The following SPSB1 variants were observed in gnomAD, a reference collection of about 807,000 sequenced individuals.
SPSB1 encodes splA/ryanodine receptor domain and SOCS box containing 1.
A neutral mutation model predicts 21.2 loss-of-function variants in SPSB1; 8 were observed. The ratio of observed to expected loss-of-function variants is 0.38; its 90% CI spans 0.22 to 0.68. The LOEUF is 0.68. Ranked by LOEUF, SPSB1 falls within the 30% of genes least tolerant of loss-of-function variation. The pLI, the probability that SPSB1 is intolerant of heterozygous loss-of-function variation, is 0.53. For missense variants in SPSB1, 242 were observed against 377.8 expected (o/e 0.64, Z 2.98); for synonymous variants, 169 against 161.7 (o/e 1.05, Z -0.34).
At chr1:9,330,390 G>A (rs1406095452) in intron 1 of SPSB1, among the ~76,000 whole-genome samples, 4 of 152,060 alleles carry the variant, frequency 2.6e-5, no homozygotes, top group Non-Finnish European at 4.4e-5. Flanking sequence ...GCTTGAACCC[G>A]GGAGGCGGAG....
chr1:9,320,026 G>C (rs776189207), intron 1 of SPSB1, among the ~76,000 whole-genome samples: 1 of 152,092 alleles, frequency 6.6e-6, no homozygotes, highest in Non-Finnish European at 1.5e-5. Flanking sequence ...TCTGTGCTTC[G>C]AGCCCCCTGG....
Position 9,355,998 on chromosome 1 carries a change from G to A in SPSB1, c.107G>A (p.Arg36Gln), listed in dbSNP as rs767891834. The change falls in exon 2 of 3, where the codon CGG becomes CAG. Residue 36 changes from arginine (R) to glutamine (Q), a missense_variant. Coordinates refer to ENST00000328089, the MANE Select transcript of SPSB1 (RefSeq NM_025106.4). ...GGTCTGGATTACTGCAAGCCCACCCGGCTGGATCTGCTACTGGACATGCCC... is the reference window on the plus strand; with the variant it reads ...GGTCTGGATTACTGCAAGCCCACCCAGCTGGATCTGCTACTGGACATGCCC... ...LQGLDYCKPT[R>Q]LDLLLDMPPV... The A allele has an allele frequency of 9.3e-6, 15 of 1,613,988 alleles. No homozygotes were observed. Among genetic ancestry groups the A allele is most frequent in the African/African-American group, 2.7e-5 (2 of 74,916 alleles).
chr1:9,341,558 C>G, intron 1 of SPSB1, among the ~76,000 whole-genome samples: 1 of 152,224 alleles, frequency 6.6e-6, no homozygotes. Context: ...CATTGCCAGA[C>G]CATCTCTCTG....
Position 9,321,386 on chromosome 1 carries a change from C to T in SPSB1, c.-150+28315C>T, listed in dbSNP as rs1639719613. ...GGGGTGGGCTCCGAGCTCCAGGGCC[C>T]ATTCTTGGGAGAGAGCGGATCCTGT... On this transcript the variant is annotated intron_variant, in intron 1 of 2. Transcript: ENST00000328089. The surrounding 1 kb of genome is among the most constrained non-coding windows in gnomAD (Gnocchi z 4.8). Among the ~76,000 whole-genome samples the T allele has an allele frequency of 1.3e-5, 2 of 152,160 alleles. No individual in the cohort carries two copies. The highest frequency in any genetic ancestry group is 2.4e-5 in the African/African-American group (1 of 41,424).
At chr1:9,311,999 C>A (rs1303976961) in intron 1 of SPSB1, among the ~76,000 whole-genome samples, 3 of 151,908 alleles carry the variant, frequency 2.0e-5, no homozygotes, top group African/African-American at 7.3e-5. Flanking sequence ...CTTGGTGTAA[C>A]CGTTGGCCCT....
At chr1:9,364,179 G>A (rs1314995286) in intron 2 of SPSB1, among the ~76,000 whole-genome samples, 6 of 152,226 alleles carry the variant, frequency 3.9e-5, no homozygotes, top group Admixed American at 3.9e-4. Flanking sequence ...TTCCGGCGGG[G>A]GCTGAGCCAC....
chr1:9,316,232 C>T (rs1461731118), intron 1 of SPSB1, among the ~76,000 whole-genome samples: 1 of 152,102 alleles, frequency 6.6e-6, no homozygotes, highest in East Asian at 1.9e-4. Flanking sequence ...GGCTCCGGCA[C>T]CCCCAGGAGA....
rs1206174485 is a variant in SPSB1 at position 9,305,929 on chromosome 1, T to C, written c.-150+12858T>C. On this transcript the variant is annotated intron_variant, in intron 1 of 2. Coordinates refer to ENST00000328089, the MANE Select transcript of SPSB1 (RefSeq NM_025106.4). The surrounding 1 kb of genome is among the most constrained non-coding windows in gnomAD (Gnocchi z 4.8). ...GAAAGGCGGGAAGGGTGCCCATGTG[T>C]GGCCAAAATGAGTGCAGAGAGGCAG... Among the ~76,000 whole-genome samples, 1 of 152,062 alleles carries C rather than the reference T, an allele frequency of 6.6e-6. No homozygotes were observed. Among genetic ancestry groups the C allele is most frequent in the African/African-American group, 2.4e-5 (1 of 41,384 alleles).
intron 2 of SPSB1, among the ~76,000 whole-genome samples, chr1:9,359,854 G>GA (rs1640440513): frequency 3.3e-5 from 5 of 149,534 alleles, no homozygotes; most frequent in Non-Finnish European, 7.4e-5. Context: ...AGCCGGGGGG[G>GA]TGGGTGGCGG....
At chr1:9,295,467 G>A (rs898031977) in intron 1 of SPSB1, among the ~76,000 whole-genome samples, 1 of 152,216 alleles carries the variant, frequency 6.6e-6, no homozygotes, top group Admixed American at 6.5e-5. Flanking sequence ...TTAGGAAGGG[G>A]TGGGCCTGCC....
intron 1 of SPSB1, among the ~76,000 whole-genome samples, chr1:9,308,456 T>C (rs1639458599): frequency 6.6e-6 from 1 of 152,192 alleles, no homozygotes; most frequent in Non-Finnish European, 1.5e-5. Flanking sequence ...AAACCTAAGC[T>C]GTCATCAACT....
At chr1:9,313,515 A>G (rs930078359) in intron 1 of SPSB1, among the ~76,000 whole-genome samples, 22 of 152,136 alleles carry the variant, frequency 1.4e-4, no homozygotes, top group African/African-American at 4.3e-4. Context: ...TGCTGCCCAC[A>G]TGACCTCTGA....
intron 1 of SPSB1, among the ~76,000 whole-genome samples, chr1:9,331,104 C>A (rs988564391): frequency 1.3e-5 from 2 of 152,106 alleles, no homozygotes; most frequent in African/African-American, 4.8e-5. Flanking sequence ...GTGCTCTCCC[C>A]GCTGAATGCT....
rs569095339 is a variant in SPSB1, at chr1:9,305,164, A to G, written c.-150+12093A>G. On this transcript the variant is annotated intron_variant, in intron 1 of 2. Transcript: ENST00000328089. The surrounding 1 kb of genome is among the most constrained non-coding windows in gnomAD (Gnocchi z 4.8). ...TATAGCCTCAGCCACTGTCACCTAT[A>G]TTCTGCTGACCCCGTCTCACACTCT... Among the ~76,000 whole-genome samples the G allele has an allele frequency of 2.5e-3, 385 of 152,040 alleles. 2 individuals carry two copies. Among genetic ancestry groups the G allele is most frequent in the African/African-American group, 8.6e-3 (358 of 41,476 alleles).
chr1:9,331,721 C>T (rs915348876), intron 1 of SPSB1, among the ~76,000 whole-genome samples: 1 of 152,150 alleles, frequency 6.6e-6, no homozygotes, highest in Non-Finnish European at 1.5e-5. Flanking sequence ...TCAGATCCCA[C>T]CAGCCACGTT....
In SPSB1 at chr1:9,314,501, C is replaced by A. The variant is rs373148421; in HGVS notation, c.-150+21430C>A. ...AGGGCTGAGATCTACACAACAAGGC[C>A]GTTCATCACCAAATGGAGAGAGAGG... On this transcript the variant is annotated intron_variant, in intron 1 of 2. Transcript: ENST00000328089. Among the ~76,000 whole-genome samples the A allele has an allele frequency of 7.2e-5, 11 of 152,150 alleles. No individual in the cohort carries two copies. In the East Asian group the frequency reaches 2.1e-3, roughly 29 times the overall value.
intron 1 of SPSB1, chr1:9,351,644 G>A (rs557877760): frequency 2.0e-5 from 3 of 152,400 alleles, no homozygotes; most frequent in Admixed American, 6.5e-5. Context: ...CCCGCAGAAA[G>A]GGTGGATCTG....
intron 2 of SPSB1, among the ~76,000 whole-genome samples, chr1:9,359,818 G>T (rs972408630): frequency 1.3e-5 from 2 of 149,202 alleles, no homozygotes; most frequent in African/African-American, 4.9e-5. Flanking sequence ...CCGGTGAGAG[G>T]TGATGGGAGC....
intron 1 of SPSB1, among the ~76,000 whole-genome samples, chr1:9,340,255 G>C (rs1421906341): frequency 6.6e-6 from 1 of 152,150 alleles, no homozygotes; most frequent in East Asian, 1.9e-4. Context: ...TAGAGAAGGG[G>C]TGCTGTCAAT....
Sources: gnomAD v4.1 joint callset for allele counts (sites outside exome capture counted in the v4.1 genomes callset) on GRCh38, gnomAD v4.1.1 for gene constraint, Gnocchi (gnomAD v3.1) non-coding constraint, MANE v1.5 for transcripts, NCBI Gene and HGNC (gene_info 2026-07-23, HGNC 2026-07-21) for gene names.